FGF14: variants seen among roughly 807,000 people sequenced by gnomAD.
FGF14 encodes the protein fibroblast growth factor 14, also known as fibroblast growth factor homologous factor 4.
A neutral mutation model predicts 25.5 loss-of-function variants in FGF14; 5 were observed. The ratio of observed to expected loss-of-function variants is 0.20; its 90% CI spans 0.10 to 0.41. FGF14 has a LOEUF of 0.41. FGF14 is among the 10% of genes least tolerant of loss of function. The pLI is 1.00. For synonymous variants in FGF14, 138 were observed against 118.3 expected (o/e 1.17, Z -1.08); for missense variants, 222 against 320.1 (o/e 0.69, Z 2.34).
chr13:102,200,933 T>A, intron 1 of FGF14, among the ~76,000 whole-genome samples: 1 of 151,590 alleles, frequency 6.6e-6, no homozygotes, highest in East Asian at 1.9e-4. Context: ...AAACCCCGTC[T>A]CTACTAAAAA....
intron 1 of FGF14, among the ~76,000 whole-genome samples, chr13:102,199,399 G>T (rs2049510594): frequency 6.6e-6 from 1 of 152,154 alleles, no homozygotes; most frequent in Admixed American, 6.5e-5. Flanking sequence ...TGGTGAGTTG[G>T]TGAGTTAAAG....
At chr13:101,839,963 T>C (rs1443394438) in intron 3 of FGF14, among the ~76,000 whole-genome samples, 2 of 151,968 alleles carry the variant, frequency 1.3e-5, no homozygotes, top group Non-Finnish European at 2.9e-5. Flanking sequence ...TCGGGAAGAA[T>C]GGCTGATCTG....
intron 1 of FGF14, among the ~76,000 whole-genome samples, chr13:101,972,396 G>A (rs1369856383): frequency 6.6e-6 from 1 of 152,100 alleles, no homozygotes; most frequent in Admixed American, 6.5e-5. Flanking sequence ...GAGAATTGGC[G>A]CCTGATGGCA....
intron 3 of FGF14, among the ~76,000 whole-genome samples, chr13:101,792,771 A>C (rs2040309847): frequency 6.6e-6 from 1 of 152,136 alleles, no homozygotes; most frequent in South Asian, 2.1e-4. Flanking sequence ...TTCTCTTGAA[A>C]AATCAGAAGA....
At chr13:101,799,045 G>T (rs1412272491) in intron 3 of FGF14, among the ~76,000 whole-genome samples, 1 of 151,888 alleles carries the variant, frequency 6.6e-6, no homozygotes, top group Admixed American at 6.6e-5. Context: ...ATACATATAC[G>T]GTAAACACAA....
chr13:101,972,360 C>T (rs1481215590), intron 1 of FGF14, among the ~76,000 whole-genome samples: 2 of 152,130 alleles, frequency 1.3e-5, no homozygotes, highest in Non-Finnish European at 2.9e-5. Context: ...AAAATAAATA[C>T]AAAGGTCTCA....
At position 101,718,184 on chromosome 13, in the gene FGF14, CAG is replaced by C. The variant is rs2034795710; in HGVS notation, c.*4645_*4646del. On this transcript the variant is annotated 3_prime_UTR_variant, in exon 5 of 5. Coordinates refer to ENST00000376143, the MANE Select transcript of FGF14 (RefSeq NM_004115.4). ...CTAAGGAATGCTTTTTCTTTGAAAACAGAAATATTTTTACTTATTTCTGTCCA... is the reference window on the plus strand; with the variant it reads ...CTAAGGAATGCTTTTTCTTTGAAAACAAATATTTTTACTTATTTCTGTCCA... 6.6e-6 allele frequency: 1 copy of C among 151,990 alleles called. No homozygotes were observed. The highest frequency in any genetic ancestry group is 6.6e-5 in the Admixed American group (1 of 15,232). The allele number at this position is 151,990 out of a possible 1,614,324, so 9.4% of individuals were successfully genotyped here.
intron 3 of FGF14, among the ~76,000 whole-genome samples, chr13:101,738,941 T>C (rs1290236706): frequency 3.9e-5 from 3 of 76,018 alleles, no homozygotes; most frequent in African/African-American, 9.6e-5. Context: ...ATGTATATAT[T>C]GTATGTGTGT....
At position 102,171,021 on chromosome 13, in the gene FGF14, G is replaced by A. The variant is rs142950354; in HGVS notation, c.208+230450C>T. The stretch of plus-strand genomic sequence containing the variant: ...AAAACAGGAATTTAAAGAAGTGATT[G>A]ACTTTGTTAAAGTTATTTTAGCAAA... On this transcript the variant is annotated intron_variant, in intron 1 of 4. Transcript: ENST00000376131. Among the ~76,000 whole-genome samples, 7 of 152,224 alleles carry A rather than the reference G, an allele frequency of 4.6e-5. No homozygotes were observed. The East Asian group carries it at 9.7e-4, about 21-fold the overall frequency.
At chr13:102,247,816 A>G (rs947287875) in intron 1 of FGF14, among the ~76,000 whole-genome samples, 6 of 152,274 alleles carry the variant, frequency 3.9e-5, no homozygotes, top group South Asian at 2.1e-4. Context: ...ACTATTCATA[A>G]CAGCAAAGAC....
At chr13:101,891,866 T>G (rs2029863824) in intron 1 of FGF14, among the ~76,000 whole-genome samples, 1 of 152,168 alleles carries the variant, frequency 6.6e-6, no homozygotes, top group Admixed American at 6.5e-5. Context: ...AGTTTTAATT[T>G]ATTCCACCAA....
chr13:102,344,420 C>T (rs1415439041), intron 1 of FGF14, among the ~76,000 whole-genome samples: 1 of 152,182 alleles, frequency 6.6e-6, no homozygotes, highest in East Asian at 1.9e-4. Context: ...GGGCAAAACA[C>T]TAATTAGATG....
rs567150476 is a variant in FGF14, at chr13:101,861,348, C to A, written c.408+7377G>T. ...TGCAGCATCTTACTCCATCCACCCA[C>A]CCTGTCCTGCTTCTGGGCTTTATTT... is the stretch of plus-strand genomic sequence containing the variant. On this transcript the variant is annotated intron_variant, in intron 3 of 4. Transcript: ENST00000376143. Among the ~76,000 whole-genome samples, 5 of 152,198 alleles carry A rather than the reference C, an allele frequency of 3.3e-5. No individual in the cohort carries two copies. The South Asian group carries it at 1.0e-3, about 32-fold the overall frequency.
chr13:101,946,703 A>G (rs1440583036), intron 1 of FGF14, among the ~76,000 whole-genome samples: 3 of 152,052 alleles, frequency 2.0e-5, no homozygotes, highest in Non-Finnish European at 2.9e-5. Context: ...TCTCACAGGG[A>G]CTACTTTTTA....
At chr13:102,155,950 C>CAT (rs2047313657) in intron 1 of FGF14, among the ~76,000 whole-genome samples, 1 of 152,178 alleles carries the variant, frequency 6.6e-6, no homozygotes, top group Admixed American at 6.5e-5. Context: ...TCTCCCAAGA[C>CAT]TAAACCAGGA....
At chr13:101,903,678 T>C (rs557118445) in intron 1 of FGF14, among the ~76,000 whole-genome samples, 1 of 152,232 alleles carries the variant, frequency 6.6e-6, no homozygotes, top group Non-Finnish European at 1.5e-5. Flanking sequence ...CTATAGAATA[T>C]ACAAAGATGA....
At chr13:101,780,894 T>C (rs2039448303) in intron 3 of FGF14, among the ~76,000 whole-genome samples, 1 of 152,078 alleles carries the variant, frequency 6.6e-6, no homozygotes, top group South Asian at 2.1e-4. Context: ...AGACGGCTCC[T>C]TGCTCTAAGA....
chr13:101,746,609 A>G (rs1245469286), intron 3 of FGF14, among the ~76,000 whole-genome samples: 2 of 151,946 alleles, frequency 1.3e-5, no homozygotes, highest in African/African-American at 4.8e-5. Context: ...CTCTTGCTTT[A>G]TTTTAGGCGA....
chr13:101,840,067 T>G (rs2043125048), intron 3 of FGF14, among the ~76,000 whole-genome samples: 1 of 152,020 alleles, frequency 6.6e-6, no homozygotes, highest in African/African-American at 2.4e-5. Context: ...CCTCAATCTC[T>G]TCTTGGCAAA....
Sources: gnomAD v4.1 joint callset for allele counts (sites outside exome capture counted in the v4.1 genomes callset) on GRCh38, gnomAD v4.1.1 for gene constraint, MANE v1.5 for transcripts, NCBI Gene and HGNC (gene_info 2026-07-23, HGNC 2026-07-21) for gene names.